Variants in NAP1L4 observed in about 807,000 individuals in gnomAD.
The protein encoded by NAP1L4 is nucleosome assembly protein 1-like 4.
In NAP1L4, 15 loss-of-function variants were observed where a neutral mutation model predicts 58.2. The ratio of observed to expected loss-of-function variants is 0.26; its 90% CI spans 0.17 to 0.40. The LOEUF (loss-of-function observed/expected upper bound fraction) is 0.40, where lower values mean the gene tolerates loss of function less well. Ranked by LOEUF, NAP1L4 falls within the 10% of genes least tolerant of loss-of-function variation. The pLI is 1.00. For missense variants in NAP1L4, 384 were observed against 451.1 expected, an observed-to-expected ratio of 0.85 and a Z score of 1.35; for synonymous variants, 171 against 155.6, an observed-to-expected ratio of 1.10 and a Z score of -0.74.
chr11:2,990,274 A>G (rs1322486825), intron 1 of NAP1L4: 2 of 152,214 alleles, frequency 1.3e-5, no homozygotes, highest in Non-Finnish European at 2.9e-5. Flanking sequence ...GGTTCATAAA[A>G]ATCACATCAT....
chr11:2,967,350 C>T (rs1295202499), intron 7 of NAP1L4, among the ~76,000 whole-genome samples: 3 of 152,296 alleles, frequency 2.0e-5, no homozygotes, highest in African/African-American at 4.8e-5. Context: ...CGGTGGCTCA[C>T]GCCTGTAATC....
chr11:2,965,945 T>A (rs1847253364), intron 7 of NAP1L4, among the ~76,000 whole-genome samples: 1 of 152,216 alleles, frequency 6.6e-6, no homozygotes, highest in Non-Finnish European at 1.5e-5. Flanking sequence ...TGTGTCTGTA[T>A]CATTTTACAA....
intron 1 of NAP1L4, among the ~76,000 whole-genome samples, chr11:2,987,756 C>CAAAAAAAA (rs57754393): frequency 8.5e-5 from 6 of 70,458 alleles, no homozygotes; most frequent in Non-Finnish European, 1.3e-4. Context: ...GACTCCACCT[C>CAAAAAAAA]AAAAAAAAAA....
intron 15 of NAP1L4, among the ~76,000 whole-genome samples, 180 bp from the exon 16 acceptor site, chr11:2,945,826 G>A (rs1845911249): frequency 6.6e-6 from 1 of 152,140 alleles, no homozygotes; most frequent in Non-Finnish European, 1.5e-5. Flanking sequence ...CCACCCTGCA[G>A]TCAAAGCAGG....
rs1261971184 is a variant in NAP1L4, at chr11:2,959,309, A to C, written c.746+461T>G. On this transcript the variant is annotated intron_variant, in intron 9 of 15. Transcript: ENST00000380542. The surrounding 1 kb of genome is among the most constrained non-coding windows in gnomAD (Gnocchi z 4.9). Reference sequence around the variant, plus strand: ...TAATTCTAAACCAAATTCTCTCTTTAGTGATTTATAAAGACTGAAATCAGT... The same window carrying C: ...TAATTCTAAACCAAATTCTCTCTTTCGTGATTTATAAAGACTGAAATCAGT... Among the ~76,000 whole-genome samples the C allele has an allele frequency of 6.6e-6, 1 of 152,216 alleles. No homozygotes were observed. Among genetic ancestry groups the C allele is most frequent in the Non-Finnish European group, 1.5e-5 (1 of 68,028 alleles).
At chr11:2,976,569 C>T (rs1374421770) in intron 3 of NAP1L4, among the ~76,000 whole-genome samples, 5 of 152,194 alleles carry the variant, frequency 3.3e-5, no homozygotes, top group Admixed American at 6.5e-5. Context: ...CTTCACAGTC[C>T]AGGAGAGCCC....
chr11:2,980,012 T>C (rs1590264839), intron 1 of NAP1L4, among the ~76,000 whole-genome samples: 1 of 152,212 alleles, frequency 6.6e-6, no homozygotes, highest in East Asian at 1.9e-4. Flanking sequence ...CCATTACTTC[T>C]ACACTGAGGA....
chr11:2,950,643 T>C (rs541122104), intron 14 of NAP1L4, among the ~76,000 whole-genome samples: 36 of 152,356 alleles, frequency 2.4e-4, no homozygotes, highest in African/African-American at 8.4e-4. Flanking sequence ...ATGTGCCAAA[T>C]GGTCAAAGTA....
At chr11:2,987,034 A>T (rs1431238150) in intron 1 of NAP1L4, among the ~76,000 whole-genome samples, 1 of 152,158 alleles carries the variant, frequency 6.6e-6, no homozygotes, top group Non-Finnish European at 1.5e-5. Flanking sequence ...ACAAGTTCAA[A>T]TCCTCCAGGA....
At chr11:2,970,431 A>C (rs1847570381) in intron 6 of NAP1L4, among the ~76,000 whole-genome samples, 1 of 152,180 alleles carries the variant, frequency 6.6e-6, no homozygotes, top group African/African-American at 2.4e-5. Flanking sequence ...AAATAAAAAA[A>C]AAAAAAATTG....
rs1278716443 is a variant in NAP1L4, at chr11:2,945,573, C to G, written c.*106G>C. On this transcript the variant is annotated 3_prime_UTR_variant, in exon 16 of 16. Transcript: ENST00000380542. ...GGCCCCGCCCACAGGCCTGGAGTCC[C>G]GACAGCCGGTCTGCCAGGCACCCGC... is the stretch of plus-strand genomic sequence containing the variant. The G allele has an allele frequency of 4.6e-6, 7 of 1,533,510 alleles. No homozygotes were observed. In the Admixed American group the frequency reaches 7.9e-5, roughly 17 times the overall value. The allele number at this position is 1,533,510 out of a possible 1,614,324, so 95.0% of individuals were successfully genotyped here.
chr11:2,979,298 C>T (rs1429042691), intron 1 of NAP1L4, 61 bp from the exon 2 acceptor site: 1 of 1,405,140 alleles, frequency 7.1e-7, no homozygotes, highest in African/African-American at 1.4e-5. Context: ...GTTCAATATA[C>T]TTTTTAAACA....
intron 7 of NAP1L4, among the ~76,000 whole-genome samples, chr11:2,966,557 T>C (rs574128027): frequency 2.0e-5 from 3 of 152,290 alleles, no homozygotes; most frequent in South Asian, 4.1e-4. Context: ...GATTTTCCGT[T>C]GAGTCCTAAT....
chr11:2,979,161 C>T lies in NAP1L4; in HGVS notation c.14+46G>A, dbSNP rs375043669. On this transcript the variant is annotated intron_variant, in intron 2 of 15. Transcript: ENST00000380542. ...TGAAAAATGGCTTGGCTGTTGCTCA[C>T]CAACTGAATTTTAAACTCCAATAAA... 4 of 1,589,626 alleles carry T rather than the reference C, an allele frequency of 2.5e-6. No homozygotes were observed. In the Admixed American group the frequency reaches 5.3e-5, roughly 21 times the overall value.
At chr11:2,974,454 T>C (rs991136308) in intron 4 of NAP1L4, among the ~76,000 whole-genome samples, 3 of 152,130 alleles carry the variant, frequency 2.0e-5, no homozygotes, top group Admixed American at 6.5e-5. Flanking sequence ...GCGAGAAAAC[T>C]AGAAACCATT....
intron 1 of NAP1L4, among the ~76,000 whole-genome samples, chr11:2,982,131 G>A (rs1323978319): frequency 1.3e-5 from 2 of 152,108 alleles, no homozygotes; most frequent in East Asian, 3.8e-4. Context: ...ATGTCTCTAT[G>A]AACATCTTGG....
At chr11:2,988,431 C>A (rs181950349) in intron 1 of NAP1L4, among the ~76,000 whole-genome samples, 171 of 152,350 alleles carry the variant, frequency 1.1e-3, no homozygotes, top group African/African-American at 4.0e-3. Flanking sequence ...TCGTCTGTCT[C>A]CCATAGCAGA....
At chr11:2,985,258 T>C (rs1198797263) in intron 1 of NAP1L4, among the ~76,000 whole-genome samples, 2 of 152,180 alleles carry the variant, frequency 1.3e-5, no homozygotes, top group African/African-American at 4.8e-5. Flanking sequence ...AAAGACAATG[T>C]AGAGAGGTGG....
chr11:2,984,497 G>C (rs980515012), intron 1 of NAP1L4, among the ~76,000 whole-genome samples: 15 of 152,148 alleles, frequency 9.9e-5, no homozygotes, highest in African/African-American at 2.7e-4. Flanking sequence ...CTTGAACCCA[G>C]GAGGCGGAAG....
Sources: gnomAD v4.1 joint callset for allele counts (sites outside exome capture counted in the v4.1 genomes callset) on GRCh38, gnomAD v4.1.1 for gene constraint, Gnocchi (gnomAD v3.1) non-coding constraint, MANE v1.5 for transcripts, NCBI Gene and HGNC (gene_info 2026-07-23, HGNC 2026-07-21) for gene names.